The following SLC15A1 variants were observed in gnomAD, a reference collection of about 807,000 sequenced individuals.
SLC15A1 encodes the protein solute carrier family 15 member 1, also known as Caco-2 oligopeptide transporter.
A neutral mutation model predicts 92.9 loss-of-function variants in SLC15A1; 83 were observed. The observed-to-expected ratio is 0.89, with a 90% CI of 0.75 to 1.07. The LOEUF is 1.07. Ranked by LOEUF, SLC15A1 falls within the 50% of genes least tolerant of loss-of-function variation. The pLI, the probability that SLC15A1 is intolerant of heterozygous loss-of-function variation, is 0.00. For missense variants in SLC15A1, 857 were observed against 880.1 expected (o/e 0.97, Z 0.33); for synonymous variants, 322 against 318.2 (o/e 1.01, Z -0.13).
intron 20 of SLC15A1, 102 bp from the exon 21 acceptor site, chr13:98,687,826 G>C (rs2087942574): frequency 7.3e-7 from 1 of 1,363,390 alleles, no homozygotes; most frequent in Non-Finnish European, 1.0e-6. Context: ...TACATCATAT[G>C]ATTTGTCAAG....
chr13:98,693,200 C>T (rs1286641861), intron 18 of SLC15A1, among the ~76,000 whole-genome samples: 8 of 144,402 alleles, frequency 5.5e-5, no homozygotes, highest in African/African-American at 7.8e-5. Flanking sequence ...CGGGTTCAAG[C>T]GATTCTCCTG....
At chr13:98,739,944 AC>A (rs2088429654) in intron 1 of SLC15A1, among the ~76,000 whole-genome samples, 1 of 152,018 alleles carries the variant, frequency 6.6e-6, no homozygotes, top group African/African-American at 2.4e-5. Flanking sequence ...ACCATGGGGG[AC>A]CCCTGGCAGA....
intron 1 of SLC15A1, among the ~76,000 whole-genome samples, chr13:98,742,102 T>G (rs902204941): frequency 6.6e-6 from 1 of 152,152 alleles, no homozygotes; most frequent in East Asian, 1.9e-4. Flanking sequence ...CGCCTGGTGG[T>G]CCTCCCAGAA....
At chr13:98,721,218 A>G (rs1308854558) in intron 7 of SLC15A1, 1 of 590,114 alleles carries the variant, frequency 1.7e-6, no homozygotes, top group Non-Finnish European at 3.3e-6. Flanking sequence ...TACCACGAGC[A>G]TGACTTTGCA....
intron 18 of SLC15A1, among the ~76,000 whole-genome samples, chr13:98,694,936 G>T (rs1190559382): frequency 6.7e-6 from 1 of 150,284 alleles, no homozygotes; most frequent in African/African-American, 2.4e-5. Flanking sequence ...GCTGAGGCAG[G>T]GGAACCGCTT....
chr13:98,744,619 T>C (rs2088477712), intron 1 of SLC15A1, among the ~76,000 whole-genome samples: 2 of 151,254 alleles, frequency 1.3e-5, no homozygotes, highest in South Asian at 4.2e-4. Flanking sequence ...CGTGGTGGCA[T>C]GTGCCTGTAA....
intron 1 of SLC15A1, among the ~76,000 whole-genome samples, chr13:98,728,995 A>AAAAAAAAAC (rs2088325420): frequency 6.8e-6 from 1 of 146,762 alleles, no homozygotes; most frequent in African/African-American, 2.5e-5. Flanking sequence ...AAAAAAAAAA[A>AAAAAAAAAC]AAAAAAAAAA....
At chr13:98,690,375 A>G (rs1360210267) in intron 18 of SLC15A1, among the ~76,000 whole-genome samples, 1 of 152,178 alleles carries the variant, frequency 6.6e-6, no homozygotes, top group South Asian at 2.1e-4. Context: ...ACAGATCCAC[A>G]CGGGCCTTAG....
intron 13 of SLC15A1, 38 bp from the exon 14 acceptor site, chr13:98,709,698 C>CAA (rs2088145418): frequency 6.2e-7 from 1 of 1,614,136 alleles, no homozygotes; most frequent in African/African-American, 1.3e-5. Context: ...AAGCTTGTCT[C>CAA]AAAGACGACT....
rs148233726 is a variant in SLC15A1, at chr13:98,734,365, C to T, written c.5-7506G>A. 1.6e-3 allele frequency among the ~76,000 whole-genome samples: 247 copies of T among 152,302 alleles called. 1 individual carries two copies. Among genetic ancestry groups the T allele is most frequent in the African/African-American group, 5.5e-3 (230 of 41,574 alleles). On this transcript the variant is annotated intron_variant, in intron 1 of 22. Transcript: ENST00000376503. ...GGTCTGCAGGTCTCAGCGTGATCAA[C>T]ACAGAAGATGGCTGATTTCTGCATT...
chr13:98,750,027 C>A (rs1484823633), intron 1 of SLC15A1, among the ~76,000 whole-genome samples: 1 of 152,152 alleles, frequency 6.6e-6, no homozygotes, highest in African/African-American at 2.4e-5. Context: ...AGACTGTCGA[C>A]CACTGCTTTA....
At chr13:98,698,728 T>A (rs1350404270) in intron 18 of SLC15A1, among the ~76,000 whole-genome samples, 1 of 152,218 alleles carries the variant, frequency 6.6e-6, no homozygotes, top group Non-Finnish European at 1.5e-5. Flanking sequence ...TGAGCCACCA[T>A]GCCCAGCCTA....
chr13:98,744,991 A>C (rs2139613490), intron 1 of SLC15A1, among the ~76,000 whole-genome samples: 1 of 152,300 alleles, frequency 6.6e-6, no homozygotes, highest in East Asian at 1.9e-4. Context: ...CATGCATAGC[A>C]GAAACAGCTA....
intron 10 of SLC15A1, among the ~76,000 whole-genome samples, chr13:98,712,230 A>G (rs2088169719): frequency 6.6e-6 from 1 of 152,240 alleles, no homozygotes. Context: ...CCTATATTCA[A>G]ACTAAGGTTA....
At chr13:98,692,829 T>C (rs2087991014) in intron 18 of SLC15A1, among the ~76,000 whole-genome samples, 1 of 152,062 alleles carries the variant, frequency 6.6e-6, no homozygotes, top group Non-Finnish European at 1.5e-5. Context: ...TATTGCAGCC[T>C]CGACCTCCCG....
chr13:98,725,974 G>A lies in SLC15A1; in HGVS notation c.245+149C>T, dbSNP rs562357867. On this transcript the variant is annotated intron_variant, in intron 4 of 22. Coordinates refer to ENST00000376503, the MANE Select transcript of SLC15A1 (RefSeq NM_005073.4). The stretch of plus-strand genomic sequence containing the variant: ...TCCTGCCTCAGCCTCTCAAAGTGCT[G>A]GGATTACAGGTATGAACCATACCAC... The A allele has an allele frequency of 1.4e-4, 134 of 983,582 alleles. 1 individual carries two copies. In the South Asian group the frequency reaches 2.2e-3, roughly 16 times the overall value. 60.9% of individuals were successfully genotyped at this position (983,582 alleles called of 1,614,324 possible). A position where few individuals can be genotyped will look rare whatever the true frequency, so the allele number is the denominator to read the frequency against.
intron 18 of SLC15A1, among the ~76,000 whole-genome samples, chr13:98,692,615 T>C (rs2087989314): frequency 6.6e-6 from 1 of 152,248 alleles, no homozygotes; most frequent in African/African-American, 2.4e-5. Flanking sequence ...AACATGGTTA[T>C]ATACCCAGGA....
chr13:98,737,278 G>A (rs1484445452), intron 1 of SLC15A1, among the ~76,000 whole-genome samples: 1 of 152,162 alleles, frequency 6.6e-6, no homozygotes, highest in Non-Finnish European at 1.5e-5. Context: ...TCACTCATAG[G>A]TGGGAATTGA....
intron 18 of SLC15A1, among the ~76,000 whole-genome samples, chr13:98,690,379 G>T (rs2087965224): frequency 6.6e-6 from 1 of 152,120 alleles, no homozygotes; most frequent in South Asian, 2.1e-4. Flanking sequence ...ATCCACACGG[G>T]CCTTAGCTAG....
Sources: gnomAD v4.1 joint callset for allele counts (sites outside exome capture counted in the v4.1 genomes callset) on GRCh38, gnomAD v4.1.1 for gene constraint, MANE v1.5 for transcripts, NCBI Gene and HGNC (gene_info 2026-07-23, HGNC 2026-07-21) for gene names.